The following NISCH variants were observed in gnomAD, a reference collection of about 807,000 sequenced individuals.
NISCH encodes I-1 receptor candidate protein.
In NISCH, 55 loss-of-function variants were observed where a neutral mutation model predicts 138.4. That is an observed-to-expected ratio of 0.40 (90% CI 0.32 to 0.50). The LOEUF (loss-of-function observed/expected upper bound fraction) is 0.50. Ranked by LOEUF, NISCH falls within the 20% of genes least tolerant of loss-of-function variation. The probability of loss-of-function intolerance (pLI) is 0.71; values close to 1 mark genes in which losing one functional copy is unlikely to be tolerated. For synonymous variants in NISCH, 860 were observed against 861.5 expected (o/e 1.00, Z 0.03); for missense variants, 1,643 against 2,005.5 (o/e 0.82, Z 3.45).
In NISCH at chr3:52,477,472, T is replaced by C. The variant is rs143034030; in HGVS notation, c.919-102T>C. 8.5e-5 allele frequency: 80 copies of C among 937,864 alleles called. 1 individual carries two copies. The African/African-American group carries it at 1.2e-3, about 14-fold the overall frequency. 58.1% of individuals were successfully genotyped at this position (937,864 alleles called of 1,614,324 possible). On this transcript the variant is annotated intron_variant, in intron 8 of 20. Transcript: ENST00000345716. ...TGCAGGGACGGCCCGTGGGAGTCCA[T>C]GGTCGGGAGGAAGCGTCCTGGGGTG...
intron 3 of NISCH, among the ~76,000 whole-genome samples, chr3:52,460,956 T>A (rs1010734200): frequency 6.6e-6 from 1 of 151,208 alleles, no homozygotes; most frequent in Non-Finnish European, 1.5e-5. Flanking sequence ...ACAACTTTCT[T>A]GGCCAGGTGC....
chr3:52,480,544 G>C, intron 13 of NISCH: 1 of 1,475,922 alleles, frequency 6.8e-7, no homozygotes, highest in Non-Finnish European at 8.9e-7. Context: ...TCCTCTAGGA[G>C]ACCGCAGGGT....
chr3:52,460,508 C>A lies in NISCH; in HGVS notation c.360+1664C>A, dbSNP rs1186904052. On this transcript the variant is annotated intron_variant, in intron 3 of 20. Transcript: ENST00000345716. Reference sequence around the variant, plus strand: ...CCTCAAACTCCTGGGCTCAAGGGATCTTCCTGCCTCAACTTCCCAAGTAGC... The same window carrying A: ...CCTCAAACTCCTGGGCTCAAGGGATATTCCTGCCTCAACTTCCCAAGTAGC... Among the ~76,000 whole-genome samples, 3 of 150,750 alleles carry A rather than the reference C, an allele frequency of 2.0e-5. No homozygotes were observed. The East Asian group carries it at 5.9e-4, about 29-fold the overall frequency.
At position 52,489,466 on chromosome 3, in the gene NISCH, A is replaced by G. The variant is rs1707502906; in HGVS notation, c.3244A>G (p.Thr1082Ala). 6 of 1,604,516 alleles carry G rather than the reference A, an allele frequency of 3.7e-6. No homozygotes were observed. Among genetic ancestry groups the G allele is most frequent in the African/African-American group, 1.3e-5 (1 of 74,856 alleles). Residue 1082 changes from threonine to alanine, a missense_variant, in exon 17 of 21, where the codon ACT (threonine) becomes GCT (alanine). Thr to Ala is a moderately conservative substitution (Grantham distance 58). Transcript: ENST00000345716. Reference sequence around the variant, plus strand: ...GACTCCGGCCCCAGCAGAGGCCTCAACTTCAGCTTTGGTCCCAGAGGAGAC... The same window carrying G: ...GACTCCGGCCCCAGCAGAGGCCTCAGCTTCAGCTTTGGTCCCAGAGGAGAC... ...AKTPAPAEAS[T>A]SALVPEETPV...
intron 15 of NISCH, 68 bp downstream of exon 15, chr3:52,485,895 C>A: frequency 6.9e-7 from 1 of 1,456,042 alleles, no homozygotes; most frequent in Non-Finnish European, 9.4e-7. Context: ...CTGCTGTGGG[C>A]CAGGGGTGGC....
intron 10 of NISCH, 39 bp downstream of exon 10, chr3:52,478,321 C>G (rs1559634356): frequency 6.2e-7 from 1 of 1,609,968 alleles, no homozygotes. Context: ...ATTTCTGTGC[C>G]TTGGTGTGTA....
chr3:52,472,901 A>G (rs753691257), intron 6 of NISCH, among the ~76,000 whole-genome samples: 1 of 152,260 alleles, frequency 6.6e-6, no homozygotes, highest in Non-Finnish European at 1.5e-5. Flanking sequence ...TCAGTAATGA[A>G]TACAAAAAAA....
At chr3:52,467,190 G>A (rs559443393) in intron 3 of NISCH, among the ~76,000 whole-genome samples, 2 of 151,714 alleles carry the variant, frequency 1.3e-5, no homozygotes, top group Admixed American at 6.6e-5. Context: ...TAGTAGAGAC[G>A]GGGTTTCACC....
intron 3 of NISCH, among the ~76,000 whole-genome samples, chr3:52,460,935 G>T (rs753760244): frequency 6.7e-6 from 1 of 149,370 alleles, no homozygotes; most frequent in African/African-American, 2.4e-5. Flanking sequence ...AAGCCCAGCT[G>T]TATTTAAAAT....
chr3:52,488,707 C>T, intron 16 of NISCH, 102 bp downstream of exon 16: 1 of 1,024,526 alleles, frequency 9.8e-7, no homozygotes, highest in Non-Finnish European at 1.4e-6. Context: ...GCTGCGAGAG[C>T]TGGGCCCCCT....
In NISCH at chr3:52,487,174, G is replaced by T; in HGVS notation, c.1704-22G>T. On this transcript the variant is annotated intron_variant, in intron 15 of 20. Transcript: ENST00000345716. The surrounding 1 kb of genome is among the most constrained non-coding windows in gnomAD (Gnocchi z 9.1). Reference sequence around the variant, plus strand: ...GAGGGGCCCCTCCCAGCATGCCACTGACCTGGCCTCTCCCTGCACAGCCCA... The same window carrying T: ...GAGGGGCCCCTCCCAGCATGCCACTTACCTGGCCTCTCCCTGCACAGCCCA... The T allele has an allele frequency of 6.2e-7, 1 of 1,600,646 alleles. No homozygotes were observed. Among genetic ancestry groups the T allele is most frequent in the South Asian group, 1.1e-5 (1 of 89,866 alleles).
chr3:52,456,166 G>T (rs1184545457), intron 1 of NISCH, among the ~76,000 whole-genome samples: 1 of 152,102 alleles, frequency 6.6e-6, no homozygotes, highest in African/African-American at 2.4e-5. Context: ...GTCAGGCTTC[G>T]CAGGCCTTGA....
chr3:52,457,990 T>C lies in NISCH; in HGVS notation c.177+64T>C, dbSNP rs2153230435. On this transcript the variant is annotated intron_variant, in intron 2 of 20. Coordinates refer to ENST00000345716, the MANE Select transcript of NISCH (RefSeq NM_007184.4). ...GGGGACCCGTAGGCCAACTTTCCATTGTGCCACATATTAGTTTTAGGGCAA... is the reference window on the plus strand; with the variant it reads ...GGGGACCCGTAGGCCAACTTTCCATCGTGCCACATATTAGTTTTAGGGCAA... 2.4e-6 allele frequency: 3 copies of C among 1,265,278 alleles called. No homozygotes were observed. The East Asian group carries it at 7.1e-5, about 30-fold the overall frequency. The allele number at this position is 1,265,278 out of a possible 1,614,324, so 78.4% of individuals were successfully genotyped here. A position where few individuals can be genotyped will look rare whatever the true frequency, so the allele number is the denominator to read the frequency against.
chr3:52,476,783 C>T (rs1311765003), intron 8 of NISCH, among the ~76,000 whole-genome samples, 184 bp downstream of exon 8: 4 of 152,202 alleles, frequency 2.6e-5, no homozygotes, highest in Non-Finnish European at 5.9e-5. Context: ...CCTGTAATCC[C>T]AGCACTTTGG....
intron 1 of NISCH, 102 bp downstream of exon 1, chr3:52,455,836 C>A: frequency 3.6e-6 from 3 of 832,686 alleles, no homozygotes; most frequent in Non-Finnish European, 3.2e-6. Context: ...CCCCGAGGAG[C>A]GGGTAGAAGG....
chr3:52,489,280 G>A lies in NISCH; in HGVS notation c.3114-56G>A, dbSNP rs1281150740. ...CTCCTCACTCTGAAGCTGCACATGC[G>A]ATGTGAATCTTCATTTGGGGTCCGC... On this transcript the variant is annotated intron_variant, in intron 16 of 20. Transcript: ENST00000345716. 144 of 1,565,658 alleles carry A rather than the reference G, an allele frequency of 9.2e-5. 1 individual carries two copies. In the Middle Eastern group the frequency reaches 1.2e-3, roughly 13 times the overall value.
rs867460723 is a variant in NISCH, at chr3:52,487,211, G to T, written c.1719G>T (p.Glu573Asp). 11 of 1,613,850 alleles carry T rather than the reference G, an allele frequency of 6.8e-6. No individual in the cohort carries two copies. The Middle Eastern group carries it at 5.0e-4, about 73-fold the overall frequency. ...CCCTGCACAGCCCAGAACATGCCGA[G>T]CCGGAGGTCCAGGTGGTGCCGGGGT... is the stretch of plus-strand genomic sequence containing the variant. ...AVGGASPEHAEPEVQVVPGSG... is the reference protein window; with the variant it reads ...AVGGASPEHADPEVQVVPGSG... Residue 573 changes from glutamate to aspartate, a missense_variant, in exon 16 of 21, where the codon GAG (glutamate) becomes GAT (aspartate). Coordinates refer to ENST00000345716, the MANE Select transcript of NISCH (RefSeq NM_007184.4). This position sits in a 1 kb window ranked among gnomAD's most constrained non-coding sequence, Gnocchi z 9.1.
chr3:52,470,422 C>CATTCCCAGG (rs1358481924), intron 3 of NISCH: 2 of 167,524 alleles, frequency 1.2e-5, no homozygotes, highest in African/African-American at 4.8e-5. Flanking sequence ...AGGGTTAGCT[C>CATTCCCAGG]TGGGTGGTCC....
In NISCH at chr3:52,485,801, C is replaced by T. The variant is rs750274200; in HGVS notation, c.1677C>T (p.Asp559=). Residue 559 remains aspartate, a synonymous_variant, in exon 15 of 21, where the codon GAC becomes GAT. Coordinates refer to ENST00000345716, the MANE Select transcript of NISCH (RefSeq NM_007184.4). ...AGQAASDDLR[D]VPGAVGGASP... is the part of the protein sequence containing the mutation. ...AGGCAGCTTCCGATGATTTAAGGGA[C>T]GTGCCAGGAGCTGTTGGTGGTGCAA... 1.2e-5 allele frequency: 19 copies of T among 1,583,468 alleles called. No individual in the cohort carries two copies. Among genetic ancestry groups the T allele is most frequent in the South Asian group, 4.6e-5 (4 of 86,786 alleles).
Sources: gnomAD v4.1 joint callset for allele counts (sites outside exome capture counted in the v4.1 genomes callset) on GRCh38, gnomAD v4.1.1 for gene constraint, Gnocchi (gnomAD v3.1) non-coding constraint, MANE v1.5 for transcripts, NCBI Gene and HGNC (gene_info 2026-07-23, HGNC 2026-07-21) for gene names.